The following FAM222A variants were observed in gnomAD, a reference collection of about 807,000 sequenced individuals.
FAM222A encodes family with sequence similarity 222 member A.
Under a neutral mutation model 25.8 loss-of-function variants are expected in FAM222A, and 7 were observed. That is an observed-to-expected ratio of 0.27 (90% confidence interval 0.15 to 0.51). The LOEUF (loss-of-function observed/expected upper bound fraction) is 0.51, where lower values mean the gene tolerates loss of function less well. Among genes scored for constraint, FAM222A ranks in the 20% least tolerant of loss-of-function variants. FAM222A has a pLI of 0.97. For missense variants in FAM222A, 573 were observed against 640.5 expected (o/e 0.89, Z 1.14); for synonymous variants, 294 against 298.8 (o/e 0.98, Z 0.17).
chr12:109,736,696 G>A (rs183752261), intron 1 of FAM222A, among the ~76,000 whole-genome samples: 1 of 152,318 alleles, frequency 6.6e-6, no homozygotes, highest in African/African-American at 2.4e-5. Flanking sequence ...TGTTTAATCT[G>A]TCATGCCGTC....
At chr12:109,715,221 T>TG (rs1396471268) in intron 1 of FAM222A, among the ~76,000 whole-genome samples, 1 of 148,344 alleles carries the variant, frequency 6.7e-6, no homozygotes, top group Non-Finnish European at 1.5e-5. Context: ...TTGGAAGGGC[T>TG]GGGGGGTGGG....
chr12:109,761,053 C>A (rs1888877519), intron 2 of FAM222A, among the ~76,000 whole-genome samples: 1 of 152,230 alleles, frequency 6.6e-6, no homozygotes, highest in South Asian at 2.1e-4. Flanking sequence ...ACACCTCTCA[C>A]AGAACCTCCC....
rs1262820504 is a variant in FAM222A, at chr12:109,744,633, TG to T, written c.82+408del. The T allele has an allele frequency of 3.0e-6, 3 of 985,450 alleles. No homozygotes were observed. In the African/African-American group the frequency reaches 5.2e-5, roughly 17 times the overall value. 61.0% of individuals were successfully genotyped at this position (985,450 alleles called of 1,614,324 possible). On this transcript the variant is annotated intron_variant, in intron 2 of 2. Transcript: ENST00000538780. ...TTGAGGCCCATGAGCTGTGTGGTCT[TG>T]GGTGTTTCCTTCCCTCTCTGGCCTT...
intron 1 of FAM222A, among the ~76,000 whole-genome samples, chr12:109,715,522 G>A (rs1330709282): frequency 6.6e-6 from 1 of 152,218 alleles, no homozygotes; most frequent in South Asian, 2.1e-4. Context: ...GCCGGAGGGG[G>A]CGGGGTCGTG....
chr12:109,758,191 A>G (rs949631041), intron 2 of FAM222A, among the ~76,000 whole-genome samples: 5 of 152,212 alleles, frequency 3.3e-5, no homozygotes, highest in Non-Finnish European at 7.3e-5. Flanking sequence ...ACATGTGAGC[A>G]TCTCAGCACA....
At chr12:109,766,654 A>G (rs939159940) in intron 2 of FAM222A, among the ~76,000 whole-genome samples, 1 of 152,256 alleles carries the variant, frequency 6.6e-6, no homozygotes. Context: ...GTTAGAAGGA[A>G]GGAATGTCCC....
intron 1 of FAM222A, among the ~76,000 whole-genome samples, chr12:109,743,797 T>C (rs911846839): frequency 1.3e-5 from 2 of 152,058 alleles, no homozygotes; most frequent in African/African-American, 4.8e-5. Flanking sequence ...TCTCACCCAG[T>C]TGGGGGCATC....
chr12:109,716,319 GA>G (rs1206288160), intron 1 of FAM222A, among the ~76,000 whole-genome samples: 1 of 152,162 alleles, frequency 6.6e-6, no homozygotes, highest in African/African-American at 2.4e-5. Flanking sequence ...ACATTTCTAG[GA>G]AAAGGTTCGA....
chr12:109,738,011 AAG>A (rs974262500), intron 1 of FAM222A, among the ~76,000 whole-genome samples: 1 of 152,016 alleles, frequency 6.6e-6, no homozygotes, highest in African/African-American at 2.4e-5. Flanking sequence ...GGAAGGGAGA[AAG>A]AGAGAGAGAC....
chr12:109,718,299 C>CGCCA (rs1566182405), intron 1 of FAM222A, among the ~76,000 whole-genome samples: 1 of 136,628 alleles, frequency 7.3e-6, no homozygotes, highest in African/African-American at 2.7e-5. Context: ...CCACTGAGGC[C>CGCCA]CCCACCCACC....
intron 2 of FAM222A, among the ~76,000 whole-genome samples, chr12:109,752,153 G>A (rs779956316): frequency 6.6e-6 from 1 of 152,230 alleles, no homozygotes; most frequent in Non-Finnish European, 1.5e-5. Context: ...CAGATGGCTA[G>A]AGGAGGGGCT....
At chr12:109,725,447 CTAGGT>C (rs1887822855) in intron 1 of FAM222A, among the ~76,000 whole-genome samples, 2 of 151,086 alleles carry the variant, frequency 1.3e-5, no homozygotes, top group South Asian at 2.1e-4. Flanking sequence ...CCTCCCTCCC[CTAGGT>C]CTGCACCCTG....
chr12:109,724,846 G>A (rs1457921771), intron 1 of FAM222A, among the ~76,000 whole-genome samples: 3 of 152,278 alleles, frequency 2.0e-5, no homozygotes, highest in African/African-American at 4.8e-5. Context: ...ATGAATGAAC[G>A]AGTGAGTGAA....
At chr12:109,752,372 G>T (rs1288217325) in intron 2 of FAM222A, among the ~76,000 whole-genome samples, 7 of 152,378 alleles carry the variant, frequency 4.6e-5, no homozygotes, top group African/African-American at 1.4e-4. Flanking sequence ...ATTGAATTGG[G>T]TGCCCTGCTG....
Position 109,768,852 on chromosome 12 carries a change from T to C in FAM222A, c.923T>C (p.Val308Ala). 1 of 1,582,366 alleles carries C rather than the reference T, an allele frequency of 6.3e-7. No individual in the cohort carries two copies. Among genetic ancestry groups the C allele is most frequent in the South Asian group, 1.1e-5 (1 of 88,298 alleles). The change falls in exon 3 of 3, where the codon GTG (valine) becomes GCG (alanine). Residue 308 changes from valine to alanine, a missense_variant. Around this residue, in one of 3 missense-constraint regions of FAM222A, gnomAD observed 412 missense variants for 407.0 expected, o/e 1.01. Transcript: ENST00000538780. ...QPLRAYSGST[V>A]ASKSPEACGG... ...CTGCGTGCCTACAGTGGGAGCACGG[T>C]GGCCAGCAAGTCCCCTGAGGCTTGC...
chr12:109,755,618 G>A (rs992372190), intron 2 of FAM222A, among the ~76,000 whole-genome samples: 61 of 152,242 alleles, frequency 4.0e-4, no homozygotes, highest in African/African-American at 1.1e-3. Flanking sequence ...ATGAGCCACC[G>A]CACCCAGCCT....
intron 2 of FAM222A, among the ~76,000 whole-genome samples, chr12:109,754,709 C>T (rs1474865497): frequency 6.6e-6 from 1 of 151,850 alleles, no homozygotes; most frequent in African/African-American, 2.4e-5. Flanking sequence ...GCTCTGTTAC[C>T]CTGACTGGTG....
chr12:109,768,831 G>C lies in FAM222A; in HGVS notation c.902G>C (p.Arg301Pro). The C allele has an allele frequency of 1.3e-6, 2 of 1,578,974 alleles. No individual in the cohort carries two copies. The highest frequency in any genetic ancestry group is 1.1e-5 in the South Asian group (1 of 87,792). Residue 301 changes from arginine (R) to proline (P), a missense_variant, in exon 3 of 3, where the codon CGT becomes CCT. Around this residue, in one of 3 missense-constraint regions of FAM222A, gnomAD observed 412 missense variants for 407.0 expected, o/e 1.01. Transcript: ENST00000538780. ...CCCCCACCGCCGCCCCAGCCACTGCGTGCCTACAGTGGGAGCACGGTGGCC... is the reference window on the plus strand; with the variant it reads ...CCCCCACCGCCGCCCCAGCCACTGCCTGCCTACAGTGGGAGCACGGTGGCC... ...KPPPPPPQPL[R>P]AYSGSTVASK...
At chr12:109,731,556 G>T (rs747383011) in intron 1 of FAM222A, among the ~76,000 whole-genome samples, 1 of 152,204 alleles carries the variant, frequency 6.6e-6, no homozygotes, top group African/African-American at 2.4e-5. Context: ...CCGGCACACA[G>T]TTGCTGCTCG....
Sources: allele counts gnomAD v4.1 joint callset (sites outside exome capture counted in the v4.1 genomes callset), GRCh38; gene constraint gnomAD v4.1.1; regional missense constraint gnomAD v4.1.1; transcripts MANE v1.5; gene names NCBI Gene and HGNC (gene_info 2026-07-23, HGNC 2026-07-21).